Variants in TANC1 observed in about 807,000 individuals in gnomAD.
TANC1 encodes tetratricopeptide repeat, ankyrin repeat and coiled-coil containing 1.
A neutral mutation model predicts 149.7 loss-of-function variants in TANC1; 77 were observed. The observed-to-expected ratio is 0.51, with a 90% confidence interval of 0.43 to 0.62. TANC1 has a LOEUF of 0.62. TANC1 is among the 20% of genes least tolerant of loss of function. TANC1 has a pLI of 0.00. For missense variants in TANC1, 1,985 were observed against 2,321.8 expected, an observed-to-expected ratio of 0.85 and a Z score of 2.98; for synonymous variants, 854 against 925.0, an observed-to-expected ratio of 0.92 and a Z score of 1.39.
At chr2:159,117,701 CTTTTTTTTTTTT>C (rs59509568) in intron 4 of TANC1, among the ~76,000 whole-genome samples, 1,816 of 113,278 alleles carry the variant, frequency 0.016, 20 homozygotes, top group Middle Eastern at 0.073. Flanking sequence ...CGGCCTATTC[CTTTTTTTTTTTT>C]TTTTTTTTTT....
chr2:159,097,040 C>T (rs565109454), intron 3 of TANC1, among the ~76,000 whole-genome samples: 1 of 152,096 alleles, frequency 6.6e-6, no homozygotes, highest in Admixed American at 6.5e-5. Context: ...CGGAAGCTGC[C>T]TAATAAGTGA....
Position 159,171,539 on chromosome 2 carries a change from G to T in TANC1, c.1352-582G>T, listed in dbSNP as rs369010720. Among the ~76,000 whole-genome samples the T allele has an allele frequency of 4.6e-5, 7 of 151,992 alleles. 1 individual carries two copies. The highest frequency in any genetic ancestry group is 1.0e-4 in the Non-Finnish European group (7 of 68,008). ...CTCAGGAGGCTGAGGTGGGAGGATC[G>T]CTTGAGCCCAGTAAATGAAGGCTGC... On this transcript the variant is annotated intron_variant, in intron 10 of 26. Coordinates refer to ENST00000263635, the MANE Select transcript of TANC1 (RefSeq NM_033394.3).
chr2:159,134,923 AT>A lies in TANC1; in HGVS notation c.260-1263del, dbSNP rs1160536878. Among the ~76,000 whole-genome samples, 5 of 152,082 alleles carry A rather than the reference AT, an allele frequency of 3.3e-5. No individual in the cohort carries two copies. In the South Asian group the frequency reaches 6.2e-4, roughly 19 times the overall value. On this transcript the variant is annotated intron_variant, in intron 4 of 26. Transcript: ENST00000263635. ...GTGAGCCACCGTGCCTAGCCTTTTA[AT>A]TTTTTTTAAGCAGTTTTGTTTAGGT...
intron 20 of TANC1, 150 bp downstream of exon 20, chr2:159,217,780 A>G (rs910871342): frequency 3.9e-6 from 4 of 1,037,818 alleles, no homozygotes; most frequent in African/African-American, 3.2e-5. Context: ...TGCTTGATAG[A>G]GCCACGTTTG....
chr2:158,972,744 G>T (rs1386319896), intron 1 of TANC1, among the ~76,000 whole-genome samples: 1 of 152,198 alleles, frequency 6.6e-6, no homozygotes, highest in Non-Finnish European at 1.5e-5. Context: ...CATTGGCTGG[G>T]AAGGAGGTGT....
intron 1 of TANC1, among the ~76,000 whole-genome samples, chr2:158,991,091 C>CAAAAAAAAAAAA (rs34411224): frequency 4.3e-5 from 3 of 70,164 alleles, no homozygotes; most frequent in East Asian, 4.3e-4. Flanking sequence ...GATCCTGTGT[C>CAAAAAAAAAAAA]AAAAAAAAAA....
chr2:159,154,833 T>C (rs940008861), intron 7 of TANC1, among the ~76,000 whole-genome samples: 2 of 152,244 alleles, frequency 1.3e-5, no homozygotes, highest in African/African-American at 4.8e-5. Context: ...GAAAATCTTC[T>C]CAAGGTGAAA....
intron 3 of TANC1, among the ~76,000 whole-genome samples, chr2:159,083,269 T>A (rs987253552): frequency 5.9e-5 from 9 of 152,060 alleles, no homozygotes; most frequent in South Asian, 2.1e-4. Context: ...TTTTTTTTTT[T>A]AAATAACAAT....
intron 5 of TANC1, among the ~76,000 whole-genome samples, chr2:159,144,036 T>G (rs565386857): frequency 3.3e-5 from 5 of 151,190 alleles, no homozygotes; most frequent in African/African-American, 9.7e-5. Flanking sequence ...TTTTTAAGAG[T>G]GAATTCTGAG....
Position 159,219,272 on chromosome 2 carries a change from TGAACCTAA to T in TANC1, c.3415_3422del (p.Asn1139Ter). 1 of 1,614,198 alleles carries T rather than the reference TGAACCTAA, an allele frequency of 6.2e-7. No homozygotes were observed. Among genetic ancestry groups the T allele is most frequent in the Non-Finnish European group, 8.5e-7 (1 of 1,180,042 alleles). On this transcript the variant is annotated frameshift_variant, in exon 21 of 27. Coordinates refer to ENST00000263635, the MANE Select transcript of TANC1 (RefSeq NM_033394.3). LOFTEE classifies it high-confidence loss of function. ...CTGCTGTTGGAACGCGGCTGTGATGTGAACCTAAGTGACAAGCAAGGCCGGACGCCCCT... is the reference window on the plus strand; with the variant it reads ...CTGCTGTTGGAACGCGGCTGTGATGTGTGACAAGCAAGGCCGGACGCCCCT...
rs758830737 is a variant in TANC1 at position 159,178,663 on chromosome 2, C to T, written c.2010C>T (p.Ser670=). The part of the protein sequence containing the change: ...LHAYVQHRVH[S]SQDILSNISL... Reference sequence around the variant, plus strand: ...CCTACGTCCAGCACAGGGTGCACAGCAGCCAGGACATCCTCAGCAACATCT... The same window carrying T: ...CCTACGTCCAGCACAGGGTGCACAGTAGCCAGGACATCCTCAGCAACATCT... The change falls in exon 14 of 27, where the codon AGC becomes AGT. Residue 670 remains serine, a synonymous_variant. Coordinates refer to ENST00000263635, the MANE Select transcript of TANC1 (RefSeq NM_033394.3). 7 of 1,614,080 alleles carry T rather than the reference C, an allele frequency of 4.3e-6. No homozygotes were observed. The highest frequency in any genetic ancestry group is 2.2e-5 in the East Asian group (1 of 44,876).
intron 3 of TANC1, among the ~76,000 whole-genome samples, chr2:159,066,704 C>T (rs978618091): frequency 4.6e-5 from 7 of 152,158 alleles, no homozygotes; most frequent in Admixed American, 2.0e-4. Context: ...TCAAATTTTA[C>T]TCCTAACAGG....
intron 16 of TANC1, among the ~76,000 whole-genome samples, chr2:159,190,684 C>T (rs894508583): frequency 2.0e-5 from 3 of 152,028 alleles, no homozygotes; most frequent in Admixed American, 6.6e-5. Context: ...CCCGAGTAGC[C>T]GGGATTACAG....
At chr2:158,978,532 G>T (rs1310612924) in intron 1 of TANC1, among the ~76,000 whole-genome samples, 3 of 152,180 alleles carry the variant, frequency 2.0e-5, no homozygotes, top group Non-Finnish European at 4.4e-5. Context: ...GAGTTCAAGG[G>T]AGAGTCCTTG....
chr2:159,053,007 GGGTACAGATT>G (rs1259423893), intron 2 of TANC1, among the ~76,000 whole-genome samples: 3 of 152,130 alleles, frequency 2.0e-5, no homozygotes, highest in African/African-American at 7.2e-5. Flanking sequence ...AACACTCTGA[GGGTACAGATT>G]GCTGAAGCCA....
At chr2:159,062,039 A>C (rs1390623987) in intron 2 of TANC1, among the ~76,000 whole-genome samples, 1 of 152,142 alleles carries the variant, frequency 6.6e-6, no homozygotes, top group Non-Finnish European at 1.5e-5. Context: ...GGAGTTTGAG[A>C]CCAGCCTGGC....
chr2:159,021,600 C>T (rs2038837746), intron 2 of TANC1, among the ~76,000 whole-genome samples: 1 of 151,370 alleles, frequency 6.6e-6, no homozygotes. Context: ...GGCAATGTAA[C>T]GAGACCCTAT....
chr2:159,221,372 C>T (rs1318203468), intron 22 of TANC1, among the ~76,000 whole-genome samples: 1 of 151,644 alleles, frequency 6.6e-6, no homozygotes, highest in African/African-American at 2.4e-5. Context: ...CAGAGTGAGA[C>T]TCAGTCTCAA....
At chr2:158,976,482 C>T (rs2033685374) in intron 1 of TANC1, among the ~76,000 whole-genome samples, 1 of 152,022 alleles carries the variant, frequency 6.6e-6, no homozygotes, top group Non-Finnish European at 1.5e-5. Flanking sequence ...AAGATTCTTG[C>T]AAAGAAAGTG....
Sources: allele counts gnomAD v4.1 joint callset (sites outside exome capture counted in the v4.1 genomes callset), GRCh38; gene constraint gnomAD v4.1.1; transcripts MANE v1.5; gene names NCBI Gene and HGNC (gene_info 2026-07-23, HGNC 2026-07-21).